Variants in AMBRA1 observed in about 807,000 individuals in gnomAD.
The protein encoded by AMBRA1 is activating molecule in BECN1-regulated autophagy protein 1.
In AMBRA1, 47 loss-of-function variants were observed where a neutral mutation model predicts 125.4. The observed-to-expected ratio is 0.37, with a 90% CI of 0.30 to 0.48. The LOEUF (loss-of-function observed/expected upper bound fraction) is 0.48, where lower values mean the gene tolerates loss of function less well. AMBRA1 is among the 20% of genes least tolerant of loss of function. The probability of loss-of-function intolerance (pLI) is 0.99; values close to 1 mark genes in which losing one functional copy is unlikely to be tolerated. For synonymous variants in AMBRA1, 626 were observed against 655.5 expected (o/e 0.95, Z 0.69); for missense variants, 1,331 against 1,693.4 (o/e 0.79, Z 3.76).
chr11:46,403,626 G>A lies in AMBRA1; in HGVS notation c.3403+4887C>T, dbSNP rs559047965. ...TCGAGCTATGCTCTTGGCCAGCAGG[G>A]TAGGAAAGCTTGCTGTAGAGTCAAA... On this transcript the variant is annotated intron_variant, in intron 17 of 17. Transcript: ENST00000683756. Among the ~76,000 whole-genome samples, 4 of 152,304 alleles carry A rather than the reference G, an allele frequency of 2.6e-5. No homozygotes were observed. The South Asian group carries it at 8.3e-4, about 32-fold the overall frequency.
chr11:46,472,131 C>T (rs1462680738), intron 11 of AMBRA1, among the ~76,000 whole-genome samples: 1 of 152,190 alleles, frequency 6.6e-6, no homozygotes, highest in Non-Finnish European at 1.5e-5. Flanking sequence ...TGTGCAAATC[C>T]TGGACAAGTC....
chr11:46,459,745 C>T lies in AMBRA1; in HGVS notation c.2522-16147G>A, dbSNP rs1949017416. Among the ~76,000 whole-genome samples, 4 of 126,304 alleles carry T rather than the reference C, an allele frequency of 3.2e-5. No individual in the cohort carries two copies. The South Asian group carries it at 6.5e-4, about 21-fold the overall frequency. The allele number at this position is 126,304 out of a possible 152,430, so 82.9% of individuals were successfully genotyped here. A position where few individuals can be genotyped will look rare whatever the true frequency, so the allele number is the denominator to read the frequency against. The stretch of plus-strand genomic sequence containing the variant: ...AAGAAAAAAAAAATACACATACACA[C>T]ACACACACACACACACACACACACA... On this transcript the variant is annotated intron_variant, in intron 11 of 17. Transcript: ENST00000683756.
chr11:46,533,234 C>G (rs1210708691), intron 7 of AMBRA1, among the ~76,000 whole-genome samples: 1 of 150,504 alleles, frequency 6.6e-6, no homozygotes, highest in Admixed American at 6.6e-5. Context: ...AGAAAAAATT[C>G]TGGAGTTAAC....
intron 1 of AMBRA1, among the ~76,000 whole-genome samples, chr11:46,581,697 G>A (rs1328910505): frequency 6.6e-6 from 1 of 151,028 alleles, no homozygotes; most frequent in Non-Finnish European, 1.5e-5. Flanking sequence ...CTACTCAGGA[G>A]GCTGAGGCAG....
At chr11:46,493,004 G>A (rs549947091) in intron 11 of AMBRA1, among the ~76,000 whole-genome samples, 4 of 152,304 alleles carry the variant, frequency 2.6e-5, no homozygotes, top group East Asian at 1.9e-4. Context: ...AGCCAAGATC[G>A]TGCCACTGCA....
chr11:46,542,797 T>C lies in AMBRA1; in HGVS notation c.1220A>G (p.His407Arg). The C allele has an allele frequency of 6.2e-7, 1 of 1,613,906 alleles. No individual in the cohort carries two copies. The highest frequency in any genetic ancestry group is 8.5e-7 in the Non-Finnish European group (1 of 1,179,984). The change falls in exon 7 of 18, where the codon CAC (histidine) becomes CGC (arginine). Residue 407 changes from histidine (H) to arginine (R), a missense_variant. His to Arg is a conservative substitution (Grantham distance 29). Coordinates refer to ENST00000683756, the MANE Select transcript of AMBRA1 (RefSeq NM_001387011.1). This position sits in a 1 kb window ranked among gnomAD's most constrained non-coding sequence, Gnocchi z 5.9. ...GPLSSHPSRY[H>R]REIAPGLTGS... Reference sequence around the variant, plus strand: ...TGTCAACCCAGGAGCTATTTCTCGGTGATACCTAGAAGGGTGGCTAGACAG... The same window carrying C: ...TGTCAACCCAGGAGCTATTTCTCGGCGATACCTAGAAGGGTGGCTAGACAG...
chr11:46,436,343 T>A (rs1947716039), intron 12 of AMBRA1, among the ~76,000 whole-genome samples: 1 of 152,234 alleles, frequency 6.6e-6, no homozygotes. Flanking sequence ...GTGTTGCTAA[T>A]GAGATGACAG....
chr11:46,566,995 AAC>A lies in AMBRA1; in HGVS notation c.-120-18497_-120-18496del, dbSNP rs559890657. Reference sequence around the variant, plus strand: ...CGCACCACTGCACTCTGGCATGGGCAACAGAGTGAGCCCTGTCTCAAGAAAAT... The same window carrying A: ...CGCACCACTGCACTCTGGCATGGGCAAGAGTGAGCCCTGTCTCAAGAAAAT... On this transcript the variant is annotated intron_variant, in intron 1 of 17. Coordinates refer to ENST00000683756, the MANE Select transcript of AMBRA1 (RefSeq NM_001387011.1). Among the ~76,000 whole-genome samples, 483 of 152,332 alleles carry A rather than the reference AAC, an allele frequency of 3.2e-3. 3 individuals carry two copies. The highest frequency in any genetic ancestry group is 5.2e-3 in the Non-Finnish European group (356 of 68,034).
chr11:46,434,964 C>G lies in AMBRA1; in HGVS notation c.2706G>C (p.Gln902His), dbSNP rs748961195. The G allele has an allele frequency of 6.2e-7, 1 of 1,613,810 alleles. No individual in the cohort carries two copies. The highest frequency in any genetic ancestry group is 1.3e-5 in the African/African-American group (1 of 74,938). The change falls in exon 13 of 18, where the codon CAG (glutamine) becomes CAC (histidine). Residue 902 changes from glutamine to histidine, a missense_variant. Gln to His is a conservative substitution (Grantham distance 24). Around this residue, in one of 4 missense-constraint regions of AMBRA1, gnomAD observed 354 missense variants for 532.7 expected, o/e 0.66. Coordinates refer to ENST00000683756, the MANE Select transcript of AMBRA1 (RefSeq NM_001387011.1). Reference sequence around the variant, plus strand: ...TGCTGGGGATGAAAGCTGCCAGGAGCTGGCCATCTGCAGAAATGTCACAGC... The same window carrying G: ...TGCTGGGGATGAAAGCTGCCAGGAGGTGGCCATCTGCAGAAATGTCACAGC... ...DASCDISADG[Q>H]LLAAFIPSSQ...
intron 9 of AMBRA1, among the ~76,000 whole-genome samples, chr11:46,499,003 ACTGTGC>A (rs1950737142): frequency 6.6e-6 from 1 of 152,124 alleles, no homozygotes; most frequent in Admixed American, 6.5e-5. Context: ...ACTTTCAATG[ACTGTGC>A]ACATATGCAA....
At chr11:46,429,127 C>T (rs948872535) in intron 14 of AMBRA1, 7 of 1,599,442 alleles carry the variant, frequency 4.4e-6, no homozygotes, top group Non-Finnish European at 6.0e-6. Context: ...AAATGGCAAT[C>T]CGGTTCTTCT....
intron 9 of AMBRA1, among the ~76,000 whole-genome samples, chr11:46,498,547 T>G (rs1020435568): frequency 6.6e-6 from 1 of 152,158 alleles, no homozygotes; most frequent in Non-Finnish European, 1.5e-5. Flanking sequence ...CCAAAATAAG[T>G]GCTGAATACA....
At position 46,508,302 on chromosome 11, in the gene AMBRA1, T is replaced by A; in HGVS notation, c.2228A>T (p.Gln743Leu). ...GTTCTGTTGGTAGCGCATGGAGCGCTGGCGAATACTGTCTCTCCGTGAGAG... is the reference window on the plus strand; with the variant it reads ...GTTCTGTTGGTAGCGCATGGAGCGCAGGCGAATACTGTCTCTCCGTGAGAG... ...QYLSRRDSIR[Q>L]RSMRYQQNRL... The change falls in exon 9 of 18, where the codon CAG becomes CTG. Residue 743 changes from glutamine to leucine, a missense_variant. Gln to Leu is a moderately radical substitution (Grantham distance 113). Coordinates refer to ENST00000683756, the MANE Select transcript of AMBRA1 (RefSeq NM_001387011.1). 6.2e-7 allele frequency: 1 copy of A among 1,614,126 alleles called. No homozygotes were observed. The highest frequency in any genetic ancestry group is 2.2e-5 in the East Asian group (1 of 44,894).
At chr11:46,423,487 G>A (rs1398740339) in intron 14 of AMBRA1, among the ~76,000 whole-genome samples, 3 of 152,016 alleles carry the variant, frequency 2.0e-5, no homozygotes, top group East Asian at 1.9e-4. Flanking sequence ...CACCTCCTGG[G>A]TTCATGCCAT....
intron 15 of AMBRA1, among the ~76,000 whole-genome samples, chr11:46,416,157 TCCAGAATTCTGTG>T (rs1321919987): frequency 2.0e-5 from 3 of 152,226 alleles, no homozygotes; most frequent in African/African-American, 2.4e-5. Context: ...AGAATCATAG[TCCAGAATTCTGTG>T]CCAGTTTTGG....
intron 14 of AMBRA1, chr11:46,429,265 G>T (rs1947333037): frequency 1.1e-6 from 1 of 878,720 alleles, no homozygotes; most frequent in Admixed American, 2.1e-5. Context: ...TCGCTACTCA[G>T]AAATCGGTGT....
intron 9 of AMBRA1, among the ~76,000 whole-genome samples, chr11:46,499,004 C>T (rs1446049910): frequency 2.0e-5 from 3 of 152,202 alleles, no homozygotes; most frequent in Non-Finnish European, 4.4e-5. Flanking sequence ...CTTTCAATGA[C>T]TGTGCACATA....
At chr11:46,432,857 G>A (rs938163286) in intron 14 of AMBRA1, among the ~76,000 whole-genome samples, 4 of 152,218 alleles carry the variant, frequency 2.6e-5, no homozygotes, top group African/African-American at 4.8e-5. Context: ...CCTATGGGAC[G>A]TGGGACGTTC....
intron 8 of AMBRA1, among the ~76,000 whole-genome samples, chr11:46,511,403 G>C (rs143873452): frequency 9.9e-5 from 15 of 152,270 alleles, no homozygotes; most frequent in African/African-American, 3.6e-4. Flanking sequence ...GGAACTAAGA[G>C]GATAATGAAG....
Sources: gnomAD v4.1 joint callset for allele counts (sites outside exome capture counted in the v4.1 genomes callset) on GRCh38, gnomAD v4.1.1 for gene constraint, gnomAD v4.1.1 regional missense constraint, Gnocchi (gnomAD v3.1) non-coding constraint, MANE v1.5 for transcripts, NCBI Gene and HGNC (gene_info 2026-07-23, HGNC 2026-07-21) for gene names.